EYS: variants seen among roughly 807,000 people sequenced by gnomAD.
The protein encoded by EYS is protein eyes shut homolog.
Under a neutral mutation model 282.1 loss-of-function variants are expected in EYS, and 250 were observed. The observed-to-expected ratio is 0.89, with a 90% CI of 0.80 to 0.98. EYS has a LOEUF of 0.98. Ranked by LOEUF, EYS falls within the 50% of genes least tolerant of loss-of-function variation. The pLI, the probability that EYS is intolerant of heterozygous loss-of-function variation, is 0.00. For synonymous variants in EYS, 1,355 were observed against 1,282.9 expected, an observed-to-expected ratio of 1.06 and a Z score of -1.20; for missense variants, 4,016 against 3,709.0, an observed-to-expected ratio of 1.08 and a Z score of -2.15.
At chr6:65,401,561 G>T (rs1447152371) in intron 7 of EYS, among the ~76,000 whole-genome samples, 1 of 151,672 alleles carries the variant, frequency 6.6e-6, no homozygotes, top group Non-Finnish European at 1.5e-5. Context: ...AAATTTGACA[G>T]AATGGATTAC....
At position 63,864,352 on chromosome 6, in the gene EYS, A is replaced by G. The variant is rs1367535493; in HGVS notation, c.7062T>C (p.Asn2354=). 3.9e-6 allele frequency: 6 copies of G among 1,549,586 alleles called. No homozygotes were observed. In the Admixed American group the frequency reaches 9.9e-5, roughly 25 times the overall value. The change falls in exon 36 of 43, where the codon AAT becomes AAC. Residue 2354 remains asparagine (N), a synonymous_variant. Coordinates refer to ENST00000503581, the MANE Select transcript of EYS (RefSeq NM_001142800.2). The part of the protein sequence containing the change: ...CRNNGTCISD[N]ENLFCECPRL... Reference sequence around the variant, plus strand: ...TTGGACACTCACAAAACAGATTTTCATTATCACTGAGAAGGGAAAAAATTT... The same window carrying G: ...TTGGACACTCACAAAACAGATTTTCGTTATCACTGAGAAGGGAAAAAATTT...
intron 33 of EYS, among the ~76,000 whole-genome samples, chr6:64,061,958 C>T (rs1454130481): frequency 6.8e-6 from 1 of 146,050 alleles, no homozygotes; most frequent in East Asian, 2.0e-4. Context: ...CAGAGCGAGA[C>T]TCTTTCAAAA....
intron 31 of EYS, among the ~76,000 whole-genome samples, chr6:64,188,826 G>A (rs1172646517): frequency 6.6e-6 from 1 of 152,058 alleles, no homozygotes; most frequent in Non-Finnish European, 1.5e-5. Context: ...TTGAGGATTA[G>A]TTAGTAGGAA....
At chr6:64,362,057 G>A (rs1201795357) in intron 29 of EYS, among the ~76,000 whole-genome samples, 1 of 151,688 alleles carries the variant, frequency 6.6e-6, no homozygotes, top group African/African-American at 2.4e-5. Context: ...TTAGAGAGAT[G>A]ATATCAAATA....
intron 12 of EYS, among the ~76,000 whole-genome samples, chr6:65,165,994 A>C (rs190805510): frequency 6.6e-6 from 1 of 151,164 alleles, no homozygotes; most frequent in African/African-American, 2.4e-5. Flanking sequence ...AAAAATAATA[A>C]AGGCTAATAT....
intron 35 of EYS, among the ~76,000 whole-genome samples, chr6:63,882,962 A>G (rs1773173501): frequency 1.3e-5 from 2 of 152,222 alleles, no homozygotes; most frequent in South Asian, 4.1e-4. Flanking sequence ...GTCTTTGATA[A>G]CAAAATGTAC....
At chr6:65,484,787 T>C (rs1481966494) in intron 5 of EYS, among the ~76,000 whole-genome samples, 1 of 152,212 alleles carries the variant, frequency 6.6e-6, no homozygotes, top group Non-Finnish European at 1.5e-5. Context: ...TATAGAGGTT[T>C]GGTCAATTAT....
intron 19 of EYS, among the ~76,000 whole-genome samples, chr6:64,866,840 G>T (rs1411350385): frequency 6.6e-6 from 1 of 151,576 alleles, no homozygotes; most frequent in African/African-American, 2.4e-5. Context: ...AGAGCAGATG[G>T]TTAACATTAA....
At chr6:65,132,121 C>A (rs1335209753) in intron 12 of EYS, among the ~76,000 whole-genome samples, 1 of 151,900 alleles carries the variant, frequency 6.6e-6, no homozygotes, top group African/African-American at 2.4e-5. Flanking sequence ...GGATTTACAG[C>A]CAAATTCTAC....
chr6:65,558,455 G>T (rs965260743), intron 2 of EYS, among the ~76,000 whole-genome samples: 1 of 152,188 alleles, frequency 6.6e-6, no homozygotes, highest in African/African-American at 2.4e-5. Flanking sequence ...GGGGCAGGGG[G>T]TTTCCCAGGA....
chr6:64,174,790 A>G (rs1764578963), intron 31 of EYS, among the ~76,000 whole-genome samples: 1 of 152,006 alleles, frequency 6.6e-6, no homozygotes, highest in South Asian at 2.1e-4. Context: ...AATTTATTCT[A>G]TTATCTCAAT....
At chr6:63,845,735 G>A (rs1430808772) in intron 36 of EYS, among the ~76,000 whole-genome samples, 1 of 152,076 alleles carries the variant, frequency 6.6e-6, no homozygotes, top group African/African-American at 2.4e-5. Context: ...TAAATTTGTA[G>A]CCTTTTGTTT....
intron 22 of EYS, among the ~76,000 whole-genome samples, chr6:64,671,856 A>G (rs962439545): frequency 6.6e-6 from 1 of 152,190 alleles, no homozygotes; most frequent in Non-Finnish European, 1.5e-5. Context: ...GATTTTCTAC[A>G]TGTCCAAAAA....
At chr6:65,409,970 A>T (rs944332738) in intron 5 of EYS, among the ~76,000 whole-genome samples, 1 of 152,068 alleles carries the variant, frequency 6.6e-6, no homozygotes, top group Non-Finnish European at 1.5e-5. Flanking sequence ...TTAATATATA[A>T]GCATTTATTT....
At chr6:65,706,211 C>G (rs1480481715) in intron 1 of EYS, among the ~76,000 whole-genome samples, 1 of 151,374 alleles carries the variant, frequency 6.6e-6, no homozygotes, top group Non-Finnish European at 1.5e-5. Flanking sequence ...CATATATACA[C>G]ATGAGTATAT....
At chr6:64,021,265 G>A (rs1487037581) in intron 33 of EYS, among the ~76,000 whole-genome samples, 2 of 151,992 alleles carry the variant, frequency 1.3e-5, no homozygotes, top group African/African-American at 2.4e-5. Flanking sequence ...ATTTTCTTAA[G>A]CCAGGTACTG....
intron 37 of EYS, among the ~76,000 whole-genome samples, chr6:63,793,787 C>G (rs1035505795): frequency 3.9e-5 from 6 of 152,166 alleles, no homozygotes; most frequent in Admixed American, 2.0e-4. Context: ...ATGTAGCTGT[C>G]TCTCCTTGGT....
intron 22 of EYS, among the ~76,000 whole-genome samples, chr6:64,732,377 C>A (rs1423228378): frequency 6.6e-6 from 1 of 151,790 alleles, no homozygotes; most frequent in Non-Finnish European, 1.5e-5. Flanking sequence ...TTTTAACACA[C>A]TAGTGTTTCT....
At chr6:64,732,433 T>C (rs1196421549) in intron 22 of EYS, among the ~76,000 whole-genome samples, 1 of 152,154 alleles carries the variant, frequency 6.6e-6, no homozygotes, top group Admixed American at 6.5e-5. Flanking sequence ...CATATACACC[T>C]TTGCAAATGT....
Sources: gnomAD v4.1 joint callset for allele counts (sites outside exome capture counted in the v4.1 genomes callset) on GRCh38, gnomAD v4.1.1 for gene constraint, MANE v1.5 for transcripts, NCBI Gene and HGNC (gene_info 2026-07-23, HGNC 2026-07-21) for gene names.